The following RAPGEF6 variants were observed in gnomAD, a reference collection of about 807,000 sequenced individuals.
RAPGEF6 encodes the protein PDZ domain containing guanine nucleotide exchange factor (GEF) 2.
Under a neutral mutation model 171.4 loss-of-function variants are expected in RAPGEF6, and 56 were observed. That is an observed-to-expected ratio of 0.33 (90% confidence interval 0.26 to 0.41). RAPGEF6 has a LOEUF of 0.41. RAPGEF6 is among the 10% of genes least tolerant of loss of function. The pLI is 1.00. For synonymous variants in RAPGEF6, 692 were observed against 650.1 expected (o/e 1.06, Z -0.98); for missense variants, 1,674 against 1,921.4 (o/e 0.87, Z 2.41).
intron 5 of RAPGEF6, among the ~76,000 whole-genome samples, chr5:131,554,940 A>C (rs1217953732): frequency 6.6e-6 from 1 of 152,206 alleles, no homozygotes; most frequent in Non-Finnish European, 1.5e-5. Flanking sequence ...GGGAAAATAA[A>C]AAAAAGAGGG....
At chr5:131,610,180 G>C (rs926719422) in intron 1 of RAPGEF6, among the ~76,000 whole-genome samples, 7 of 152,174 alleles carry the variant, frequency 4.6e-5, no homozygotes, top group African/African-American at 1.4e-4. Context: ...ATGAGTAGAA[G>C]CAAGAGTCAC....
chr5:131,436,273 G>A, intron 24 of RAPGEF6: 3 of 1,537,382 alleles, frequency 2.0e-6, no homozygotes, highest in Non-Finnish European at 1.7e-6. Flanking sequence ...TGTTCTTTTG[G>A]CTGTGCTCCT....
intron 3 of RAPGEF6, among the ~76,000 whole-genome samples, chr5:131,593,528 C>T (rs986436961): frequency 6.6e-5 from 10 of 152,164 alleles, no homozygotes; most frequent in Admixed American, 6.5e-5. Flanking sequence ...CAGAAAAAGA[C>T]AGAAAAGATG....
intron 1 of RAPGEF6, among the ~76,000 whole-genome samples, chr5:131,619,094 C>T (rs920920327): frequency 6.6e-6 from 1 of 150,726 alleles, no homozygotes; most frequent in Non-Finnish European, 1.5e-5. Flanking sequence ...ACTATGGTAA[C>T]CAAATGTAAC....
intron 22 of RAPGEF6, among the ~76,000 whole-genome samples, chr5:131,443,779 G>A (rs987613499): frequency 4.6e-5 from 7 of 152,270 alleles, no homozygotes; most frequent in African/African-American, 1.7e-4. Flanking sequence ...TAAGGACTAT[G>A]CATTTTGTTC....
In RAPGEF6 at chr5:131,567,069, G is replaced by C. The variant is rs1431161354; in HGVS notation, c.282-5022C>G. Among the ~76,000 whole-genome samples the C allele has an allele frequency of 3.3e-5, 5 of 149,842 alleles. No individual in the cohort carries two copies. In the Admixed American group the frequency reaches 3.3e-4, roughly 10 times the overall value. On this transcript the variant is annotated intron_variant, in intron 4 of 27. Transcript: ENST00000509018. ...AGATCATGCCATTGCACTCCAGCCT[G>C]GGCGACAAGAGCAAAACTCTTGTCT...
intron 21 of RAPGEF6, among the ~76,000 whole-genome samples, chr5:131,451,708 G>A (rs1024086143): frequency 4.6e-5 from 7 of 152,142 alleles, no homozygotes; most frequent in Non-Finnish European, 8.8e-5. Context: ...TATTGTGTTG[G>A]TGTAAAAGTA....
intron 15 of RAPGEF6, among the ~76,000 whole-genome samples, chr5:131,489,050 A>G (rs1332425013): frequency 3.9e-5 from 6 of 152,244 alleles, no homozygotes; most frequent in Non-Finnish European, 8.8e-5. Context: ...ACACAAAGGT[A>G]GAGTATGCTC....
intron 4 of RAPGEF6, among the ~76,000 whole-genome samples, chr5:131,576,099 C>T (rs1282537685): frequency 2.0e-5 from 3 of 152,214 alleles, no homozygotes; most frequent in African/African-American, 7.2e-5. Context: ...CGGCCTCTCA[C>T]CTTATACCTA....
Position 131,424,181 on chromosome 5 carries a change from C to T in RAPGEF6, c.*3085G>A, listed in dbSNP as rs1231742122. 6.6e-6 allele frequency: 1 copy of T among 152,258 alleles called. No homozygotes were observed. The highest frequency in any genetic ancestry group is 1.9e-4 in the East Asian group (1 of 5,334). 9.4% of individuals were successfully genotyped at this position (152,258 alleles called of 1,614,324 possible). A position where few individuals can be genotyped will look rare whatever the true frequency, so the allele number is the denominator to read the frequency against. ...TTGCTATCTGATTATTACAGATGTGCAGTTTTGTTTCTGTCTTTTGCTGAT... is the reference window on the plus strand; with the variant it reads ...TTGCTATCTGATTATTACAGATGTGTAGTTTTGTTTCTGTCTTTTGCTGAT... On this transcript the variant is annotated 3_prime_UTR_variant, in exon 28 of 28. Transcript: ENST00000509018.
At chr5:131,551,355 C>T (rs1472752906) in intron 5 of RAPGEF6, among the ~76,000 whole-genome samples, 1 of 151,550 alleles carries the variant, frequency 6.6e-6, no homozygotes, top group Non-Finnish European at 1.5e-5. Flanking sequence ...CTACTAAAAA[C>T]TACAAAAATT....
intron 4 of RAPGEF6, among the ~76,000 whole-genome samples, chr5:131,574,738 G>T (rs949549135): frequency 2.0e-5 from 3 of 151,778 alleles, no homozygotes; most frequent in Non-Finnish European, 4.4e-5. Context: ...CTCCTCTCGT[G>T]TCTCCCTCCC....
intron 9 of RAPGEF6, 35 bp from the exon 10 acceptor site, chr5:131,505,557 T>A: frequency 3.2e-6 from 5 of 1,563,072 alleles, no homozygotes; most frequent in Non-Finnish European, 4.4e-6. Flanking sequence ...TGAATCTTTT[T>A]AAAAAAGGTA....
intron 12 of RAPGEF6, among the ~76,000 whole-genome samples, chr5:131,496,108 A>G (rs1326918211): frequency 6.6e-6 from 1 of 152,168 alleles, no homozygotes; most frequent in Non-Finnish European, 1.5e-5. Context: ...CAGGTGGCTG[A>G]AGCAAGGAGG....
intron 3 of RAPGEF6, among the ~76,000 whole-genome samples, chr5:131,596,771 T>C (rs1165032561): frequency 6.6e-6 from 1 of 152,048 alleles, no homozygotes. Flanking sequence ...ATGTGAAACC[T>C]GAAACCACGA....
intron 6 of RAPGEF6, among the ~76,000 whole-genome samples, chr5:131,526,186 T>C (rs1039929991): frequency 1.3e-5 from 2 of 152,216 alleles, no homozygotes; most frequent in African/African-American, 4.8e-5. Flanking sequence ...ATCTGTTTTC[T>C]ACTTCATGAA....
In RAPGEF6 at chr5:131,554,185, A is replaced by G. The variant is rs148357997; in HGVS notation, c.352-5995T>C. ...TGTTAATAAAAATAATTCTCCTCCT[A>G]AAGTTGTATTAATGGCAAAACAATC... On this transcript the variant is annotated intron_variant, in intron 5 of 27. Coordinates refer to ENST00000509018, the MANE Select transcript of RAPGEF6 (RefSeq NM_016340.6). Among the ~76,000 whole-genome samples, 245 of 152,298 alleles carry G rather than the reference A, an allele frequency of 1.6e-3. 1 individual carries two copies. The highest frequency in any genetic ancestry group is 5.6e-3 in the African/African-American group (232 of 41,578).
At chr5:131,483,343 T>C (rs1448102200) in intron 15 of RAPGEF6, among the ~76,000 whole-genome samples, 143 of 88,298 alleles carry the variant, frequency 1.6e-3, no homozygotes, top group African/African-American at 6.4e-3. Context: ...AGTAAGACTC[T>C]GTCTCAAAAA....
chr5:131,506,230 T>C (rs1411716037), intron 9 of RAPGEF6, among the ~76,000 whole-genome samples: 1 of 152,198 alleles, frequency 6.6e-6, no homozygotes, highest in Non-Finnish European at 1.5e-5. Flanking sequence ...AGCTTCAAAG[T>C]CTTGCACTCA....
Sources: allele counts gnomAD v4.1 joint callset (sites outside exome capture counted in the v4.1 genomes callset), GRCh38; gene constraint gnomAD v4.1.1; transcripts MANE v1.5; gene names NCBI Gene and HGNC (gene_info 2026-07-23, HGNC 2026-07-21).